Variants in VWCE observed in about 807,000 individuals in gnomAD.
The protein encoded by VWCE is von Willebrand factor C and EGF domain-containing protein.
In VWCE, 68 loss-of-function variants were observed where a neutral mutation model predicts 102.9. That is an observed-to-expected ratio of 0.66 (90% CI 0.54 to 0.81). The LOEUF (loss-of-function observed/expected upper bound fraction) is 0.81. Ranked by LOEUF, VWCE falls within the 30% of genes least tolerant of loss-of-function variation. The pLI is 0.00. For synonymous variants in VWCE, 497 were observed against 515.4 expected (o/e 0.96, Z 0.48); for missense variants, 1,137 against 1,263.6 (o/e 0.90, Z 1.52).
chr11:61,268,049 G>C (rs550656209), intron 15 of VWCE, among the ~76,000 whole-genome samples: 1 of 151,744 alleles, frequency 6.6e-6, no homozygotes, highest in African/African-American at 2.4e-5. Flanking sequence ...GTAAAAGCAG[G>C]TGATGAGACA....
chr11:61,259,007 G>T lies in VWCE; in HGVS notation c.2536C>A (p.Pro846Thr). 1 of 1,613,602 alleles carries T rather than the reference G, an allele frequency of 6.2e-7. No homozygotes were observed. Among genetic ancestry groups the T allele is most frequent in the Non-Finnish European group, 8.5e-7 (1 of 1,179,750 alleles). ...GEPGASPRLS[P>T]GPSTPPGAPT... Reference sequence around the variant, plus strand: ...GCTCCTGGAGGGGTCGAAGGCCCTGGTGAGAGTCGAGGGGAGGCCCCAGGC... The same window carrying T: ...GCTCCTGGAGGGGTCGAAGGCCCTGTTGAGAGTCGAGGGGAGGCCCCAGGC... The change falls in exon 20 of 20, where the codon CCA (proline) becomes ACA (threonine). Residue 846 changes from proline (P) to threonine (T), a missense_variant. Coordinates refer to ENST00000335613, the MANE Select transcript of VWCE (RefSeq NM_152718.2).
Position 61,274,507 on chromosome 11 carries a change from C to CA in VWCE, c.1572dup (p.Val525CysfsTer16). 6.2e-7 allele frequency: 1 copy of CA among 1,612,970 alleles called. No individual in the cohort carries two copies. Among genetic ancestry groups the CA allele is most frequent in the Non-Finnish European group, 8.5e-7 (1 of 1,179,602 alleles). The stretch of plus-strand genomic sequence containing the variant: ...ACGCTCAGCCACCATACCTGGCAAA[C>CA]ACAGGTGGTACACTCGTCACCACCC... On this transcript the variant is annotated frameshift_variant, in exon 12 of 20. Transcript: ENST00000335613. LOFTEE classifies it high-confidence loss of function.
rs1013333481 is a variant in VWCE at position 61,281,834 on chromosome 11, T to G, written c.739A>C (p.Thr247Pro). ...CHNTVGSFLC[T>P]CRPGFRLRAD... ...CGGAGCCTGAAGCCAGGTCGGCATG[T>G]GCATAGGAAGCTGCCCACGGTGTTG... Residue 247 changes from threonine to proline, a missense_variant, in exon 7 of 20, where the codon ACA becomes CCA. Physicochemically the swap from Thr to Pro is conservative, Grantham distance 38 (BLOSUM62 -1). Transcript: ENST00000335613. 12 of 1,613,928 alleles carry G rather than the reference T, an allele frequency of 7.4e-6. No individual in the cohort carries two copies. Among genetic ancestry groups the G allele is most frequent in the Non-Finnish European group, 1.0e-5 (12 of 1,179,900 alleles).
At chr11:61,264,859 T>C (rs1248723125) in intron 18 of VWCE, 97 bp downstream of exon 18, 2 of 1,362,010 alleles carry the variant, frequency 1.5e-6, no homozygotes, top group African/African-American at 1.4e-5. Flanking sequence ...GGAGGATGGA[T>C]TTATGCTGGC....
Position 61,294,833 on chromosome 11 carries a change from T to A in VWCE, c.110+95A>T. ...CCCAGAGGAAGCCCCGACACGCGGC[T>A]GCCTGCGGCTCCTGAGCGCCCCTCC... On this transcript the variant is annotated intron_variant, in intron 1 of 19. Coordinates refer to ENST00000335613, the MANE Select transcript of VWCE (RefSeq NM_152718.2). This position sits in a 1 kb window ranked among gnomAD's most constrained non-coding sequence, Gnocchi z 6.3. 1 of 833,674 alleles carries A rather than the reference T, an allele frequency of 1.2e-6. No homozygotes were observed. Among genetic ancestry groups the A allele is most frequent in the Non-Finnish European group, 1.7e-6 (1 of 605,102 alleles). 51.6% of individuals were successfully genotyped at this position (833,674 alleles called of 1,614,324 possible). A position where few individuals can be genotyped will look rare whatever the true frequency, so the allele number is the denominator to read the frequency against.
At chr11:61,263,303 CAA>C (rs763833059) in intron 19 of VWCE, among the ~76,000 whole-genome samples, 7 of 70,232 alleles carry the variant, frequency 1.0e-4, no homozygotes, top group Admixed American at 3.4e-4. Context: ...TGAGAATCCT[CAA>C]AAAAAAAAAA....
intron 19 of VWCE, among the ~76,000 whole-genome samples, chr11:61,264,177 G>T (rs1854438038): frequency 7.7e-6 from 1 of 129,234 alleles, no homozygotes; most frequent in Non-Finnish European, 1.6e-5. Context: ...AGTGAGGTGA[G>T]ATAGCGCCAT....
chr11:61,294,837 T>A lies in VWCE; in HGVS notation c.110+91A>T. On this transcript the variant is annotated intron_variant, in intron 1 of 19. Coordinates refer to ENST00000335613, the MANE Select transcript of VWCE (RefSeq NM_152718.2). This position sits in a 1 kb window ranked among gnomAD's most constrained non-coding sequence, Gnocchi z 6.3. Reference sequence around the variant, plus strand: ...GAGGAAGCCCCGACACGCGGCTGCCTGCGGCTCCTGAGCGCCCCTCCGCGC... The same window carrying A: ...GAGGAAGCCCCGACACGCGGCTGCCAGCGGCTCCTGAGCGCCCCTCCGCGC... 1 of 890,910 alleles carries A rather than the reference T, an allele frequency of 1.1e-6. No homozygotes were observed. The highest frequency in any genetic ancestry group is 1.5e-6 in the Non-Finnish European group (1 of 657,438). 55.2% of individuals were successfully genotyped at this position (890,910 alleles called of 1,614,324 possible).
At chr11:61,289,459 A>G (rs975032854) in intron 4 of VWCE, among the ~76,000 whole-genome samples, 3 of 151,574 alleles carry the variant, frequency 2.0e-5, no homozygotes, top group Non-Finnish European at 4.4e-5. Flanking sequence ...CATGTTGGCC[A>G]GGCTGGTCTT....
Position 61,266,462 on chromosome 11 carries a change from C to G in VWCE, c.1965+1000G>C, listed in dbSNP as rs145816772. Reference sequence around the variant, plus strand: ...ACTTGGGAGGCTGACATAGGAGGATCGCTTGAGCCCAGGAGGTCAAGGTTG... The same window carrying G: ...ACTTGGGAGGCTGACATAGGAGGATGGCTTGAGCCCAGGAGGTCAAGGTTG... On this transcript the variant is annotated intron_variant, in intron 16 of 19. Coordinates refer to ENST00000335613, the MANE Select transcript of VWCE (RefSeq NM_152718.2). 5.3e-3 allele frequency among the ~76,000 whole-genome samples: 804 copies of G among 152,154 alleles called. 15 individuals carry two copies. Among genetic ancestry groups the G allele is most frequent in the African/African-American group, 0.018 (743 of 41,524 alleles).
chr11:61,266,627 A>G (rs1854521008), intron 16 of VWCE, among the ~76,000 whole-genome samples: 1 of 152,176 alleles, frequency 6.6e-6, no homozygotes, highest in Non-Finnish European at 1.5e-5. Flanking sequence ...GAGAGGCAGT[A>G]TGACCCAGGA....
At position 61,258,566 on chromosome 11, in the gene VWCE, G is replaced by C. The variant is rs1854251619; in HGVS notation, c.*109C>G. On this transcript the variant is annotated 3_prime_UTR_variant, in exon 20 of 20. Transcript: ENST00000335613. ...TCCATCCTCACCAGGGCCCCTGCAG[G>C]AGGGAGCCCAGGCATCCCCACCAGG... 8.7e-7 allele frequency: 1 copy of C among 1,149,968 alleles called. No individual in the cohort carries two copies. Among genetic ancestry groups the C allele is most frequent in the African/African-American group, 1.6e-5 (1 of 62,992 alleles). The allele number at this position is 1,149,968 out of a possible 1,614,324, so 71.2% of individuals were successfully genotyped here. A position where few individuals can be genotyped will look rare whatever the true frequency, so the allele number is the denominator to read the frequency against.
At chr11:61,263,621 G>A (rs909626116) in intron 19 of VWCE, among the ~76,000 whole-genome samples, 30 of 152,136 alleles carry the variant, frequency 2.0e-4, no homozygotes, top group African/African-American at 6.8e-4. Flanking sequence ...GTTCAGTGGC[G>A]TCAGTTCTTG....
rs532322719 is a variant in VWCE, at chr11:61,293,161, A to G, written c.111-1585T>C. The stretch of plus-strand genomic sequence containing the variant: ...GAGGGTGAGGTAGGAGAATTGCTTG[A>G]ACCTGGGAGGCGGAGGTTGCGGTGA... On this transcript the variant is annotated intron_variant, in intron 1 of 19. Coordinates refer to ENST00000335613, the MANE Select transcript of VWCE (RefSeq NM_152718.2). 3.0e-4 allele frequency among the ~76,000 whole-genome samples: 44 copies of G among 148,562 alleles called. 1 individual carries two copies. The highest frequency in any genetic ancestry group is 6.9e-3 in the Middle Eastern group (2 of 288).
At position 61,259,031 on chromosome 11, in the gene VWCE, G is replaced by A. The variant is rs374110536; in HGVS notation, c.2512C>T (p.Pro838Ser). 196 of 1,613,796 alleles carry A rather than the reference G, an allele frequency of 1.2e-4. No homozygotes were observed. Among genetic ancestry groups the A allele is most frequent in the Non-Finnish European group, 1.6e-4 (184 of 1,179,868 alleles). The change falls in exon 20 of 20, where the codon CCT (proline) becomes TCT (serine). Residue 838 changes from proline to serine, a missense_variant. Around this residue, in one of 5 missense-constraint regions of VWCE, gnomAD observed 316 missense variants for 319.3 expected, o/e 0.99. Transcript: ENST00000335613. ...GGTGAGAGTCGAGGGGAGGCCCCAG[G>A]CTCCCCTGGGAAAGTGGCTGTCAGC... Reference protein sequence around the residue: ...LGLTATFPGEPGASPRLSPGP... With the variant: ...LGLTATFPGESGASPRLSPGP...
At chr11:61,281,696 C>G in intron 7 of VWCE, 90 bp downstream of exon 7, 1 of 1,303,850 alleles carries the variant, frequency 7.7e-7, no homozygotes, top group Admixed American at 3.6e-5. Context: ...GAGGGCGTGA[C>G]GGGGAGGGGC....
At position 61,295,272 on chromosome 11, in the gene VWCE, A is replaced by G. The variant is rs1187830092; in HGVS notation, c.-235T>C. ...TCTCTGGCACCTCGAAGCGAAACACACAAAGGCAACGCCGCCCGCCTGCTG... is the reference window on the plus strand; with the variant it reads ...TCTCTGGCACCTCGAAGCGAAACACGCAAAGGCAACGCCGCCCGCCTGCTG... On this transcript the variant is annotated 5_prime_UTR_variant, in exon 1 of 20. Coordinates refer to ENST00000335613, the MANE Select transcript of VWCE (RefSeq NM_152718.2). The surrounding 1 kb of genome is among the most constrained non-coding windows in gnomAD (Gnocchi z 4.6). The G allele has an allele frequency of 5.7e-6, 2 of 353,386 alleles. No individual in the cohort carries two copies. Among genetic ancestry groups the G allele is most frequent in the African/African-American group, 2.1e-5 (1 of 47,188 alleles). The allele number at this position is 353,386 out of a possible 1,614,324, so 21.9% of individuals were successfully genotyped here.
chr11:61,281,264 G>C (rs1281260339), intron 7 of VWCE, 29 bp from the exon 8 acceptor site: 1 of 1,610,812 alleles, frequency 6.2e-7, no homozygotes, highest in Non-Finnish European at 8.5e-7. Flanking sequence ...GGTCTCTTGG[G>C]GTGGACAGCA....
chr11:61,293,719 G>A (rs1590665953), intron 1 of VWCE, among the ~76,000 whole-genome samples: 1 of 152,220 alleles, frequency 6.6e-6, no homozygotes, highest in South Asian at 2.1e-4. Context: ...GCTGGGCACT[G>A]GGGACATGGG....
Sources: allele counts gnomAD v4.1 joint callset (sites outside exome capture counted in the v4.1 genomes callset), GRCh38; gene constraint gnomAD v4.1.1; regional missense constraint gnomAD v4.1.1; non-coding constraint Gnocchi (gnomAD v3.1); transcripts MANE v1.5; gene names NCBI Gene and HGNC (gene_info 2026-07-23, HGNC 2026-07-21).